Variants in C16orf46 observed in about 807,000 individuals in gnomAD.
C16orf46 encodes chromosome 16 open reading frame 46.
In C16orf46, 7 loss-of-function variants were observed where a neutral mutation model predicts 5.5. That is an observed-to-expected ratio of 1.28 (90% CI 0.73 to 2.40). The LOEUF is 2.40. Ranked by LOEUF, C16orf46 falls within the 30% of genes most tolerant of loss-of-function variation. The pLI, the probability that C16orf46 is intolerant of heterozygous loss-of-function variation, is 0.00. For synonymous variants in C16orf46, 200 were observed against 184.1 expected, an observed-to-expected ratio of 1.09 and a Z score of -0.70; for missense variants, 614 against 476.0, an observed-to-expected ratio of 1.29 and a Z score of -2.70.
At chr16:81,076,104 T>C (rs559431548) in intron 1 of C16orf46, among the ~76,000 whole-genome samples, 47 of 152,344 alleles carry the variant, frequency 3.1e-4, no homozygotes, top group Non-Finnish European at 5.4e-4. Context: ...CAACCTATGC[T>C]GAATGAAGGA....
chr16:81,060,949 G>C, downstream of C16orf46: 1 of 1,345,276 alleles, frequency 7.4e-7, no homozygotes, highest in Middle Eastern at 2.8e-4. Flanking sequence ...CATGAATATG[G>C]TGTTTTAGAA....
At chr16:81,054,243 G>A (rs1336052540) in intron 3 of C16orf46, 2 of 478,196 alleles carry the variant, frequency 4.2e-6, no homozygotes, top group Admixed American at 7.5e-5. Context: ...GATGAAACTA[G>A]TCTCTAAAAA....
At chr16:81,057,305 T>A (rs912833492), downstream of C16orf46, among the ~76,000 whole-genome samples, 1 of 152,110 alleles carries the variant, frequency 6.6e-6, no homozygotes, top group African/African-American at 2.4e-5. Context: ...TCCCAGCACT[T>A]TGGGAGGCCA....
At chr16:81,064,679 G>A (rs565470959) in intron 2 of C16orf46, among the ~76,000 whole-genome samples, 2 of 151,714 alleles carry the variant, frequency 1.3e-5, no homozygotes, top group East Asian at 3.9e-4. Context: ...TCCGGGAGGT[G>A]GAGGTTGCAG....
intron 3 of C16orf46, 121 bp from the exon 4 acceptor site, chr16:81,062,259 TTTTTTAC>T (rs1264060262): frequency 2.5e-6 from 2 of 802,364 alleles, no homozygotes; most frequent in Non-Finnish European, 3.6e-6. Flanking sequence ...TTTTATTTAT[TTTTTTAC>T]TACCCCTTCC....
At chr16:81,074,144 G>A (rs963999757) in intron 1 of C16orf46, among the ~76,000 whole-genome samples, 1 of 152,104 alleles carries the variant, frequency 6.6e-6, no homozygotes, top group Non-Finnish European at 1.5e-5. Context: ...CTTCTCAAAT[G>A]CAAATCTGAA....
At chr16:81,070,029 G>C (rs797001124) in intron 1 of C16orf46, 2 of 152,202 alleles carry the variant, frequency 1.3e-5, no homozygotes, top group Admixed American at 6.6e-5. Context: ...AGGAGACTGA[G>C]GCAGAGAACT....
intron 1 of C16orf46, among the ~76,000 whole-genome samples, chr16:81,067,619 C>A (rs1335467049): frequency 6.6e-6 from 1 of 151,958 alleles, no homozygotes; most frequent in Non-Finnish European, 1.5e-5. Context: ...ATGGTGTGAT[C>A]TCGGATCACT....
chr16:81,054,953 G>T (rs1971253813), intron 3 of C16orf46, among the ~76,000 whole-genome samples: 1 of 152,068 alleles, frequency 6.6e-6, no homozygotes, highest in African/African-American at 2.4e-5. Context: ...TGGCCAACAG[G>T]TCGTATATTT....
intron 2 of C16orf46, 107 bp from the exon 3 acceptor site, chr16:81,064,100 C>T (rs984680607): frequency 9.6e-6 from 6 of 627,112 alleles, no homozygotes; most frequent in African/African-American, 1.8e-5. Flanking sequence ...AGGAATATGG[C>T]CGGCCGCGGT....
intron 3 of C16orf46, among the ~76,000 whole-genome samples, chr16:81,062,970 G>A (rs1407964086): frequency 6.0e-5 from 9 of 150,654 alleles, no homozygotes; most frequent in African/African-American, 2.0e-4. Context: ...TGCAGACCAG[G>A]CGCAGTGGCT....
chr16:81,069,602 C>G (rs1971776760), intron 1 of C16orf46, among the ~76,000 whole-genome samples: 1 of 152,168 alleles, frequency 6.6e-6, no homozygotes, highest in Non-Finnish European at 1.5e-5. Context: ...GAGTAAGAAG[C>G]CAGATTTTGG....
intron 1 of C16orf46, chr16:81,076,929 C>T (rs891991929): frequency 6.6e-6 from 1 of 152,428 alleles, no homozygotes; most frequent in Non-Finnish European, 1.5e-5. Flanking sequence ...GTCTACCCAC[C>T]CTTAAAGGGT....
chr16:81,075,227 G>A (rs921460456), intron 1 of C16orf46, among the ~76,000 whole-genome samples: 13 of 150,422 alleles, frequency 8.6e-5, no homozygotes, highest in African/African-American at 2.5e-5. Flanking sequence ...CCTACCAAGA[G>A]TTATAGAAGT....
chr16:81,073,711 G>A (rs560653707), intron 1 of C16orf46, among the ~76,000 whole-genome samples: 1 of 152,322 alleles, frequency 6.6e-6, no homozygotes, highest in East Asian at 1.9e-4. Flanking sequence ...CAAAGCACAA[G>A]AGGAATTCAA....
intron 1 of C16orf46, among the ~76,000 whole-genome samples, chr16:81,075,803 C>T (rs1972018673): frequency 6.6e-6 from 1 of 152,186 alleles, no homozygotes; most frequent in Admixed American, 6.5e-5. Flanking sequence ...ACCTGGTTGA[C>T]AGATTCCTAA....
downstream of C16orf46, among the ~76,000 whole-genome samples, chr16:81,057,323 C>T (rs902459629): frequency 9.9e-5 from 15 of 151,900 alleles, no homozygotes; most frequent in African/African-American, 1.7e-4. Context: ...CCAAGGCGGG[C>T]GCATCATTTG....
chr16:81,072,431 G>C lies in C16orf46; in HGVS notation c.-128+4705C>G, dbSNP rs138329481. 4.4e-3 allele frequency among the ~76,000 whole-genome samples: 667 copies of C among 152,134 alleles called. 4 individuals are homozygous for C. The highest frequency in any genetic ancestry group is 0.02 in the Middle Eastern group (6 of 294). ...ATGGAGTTTCACTCTTGTTGCCCAG[G>C]CTGGAGTGCAATGGTGCGATCTTAG... On this transcript the variant is annotated intron_variant, in intron 1 of 3. Coordinates refer to ENST00000299578, the MANE Select transcript of C16orf46 (RefSeq NM_152337.3).
chr16:81,074,568 A>G (rs1971962598), intron 1 of C16orf46, among the ~76,000 whole-genome samples: 1 of 152,034 alleles, frequency 6.6e-6, no homozygotes, highest in South Asian at 2.1e-4. Context: ...TATTTTTAGT[A>G]GAGACAGGGT....
Sources: allele counts gnomAD v4.1 joint callset (sites outside exome capture counted in the v4.1 genomes callset), GRCh38; gene constraint gnomAD v4.1.1; transcripts MANE v1.5; gene names NCBI Gene and HGNC (gene_info 2026-07-23, HGNC 2026-07-21).